KLHL4: variants seen among roughly 807,000 people sequenced by gnomAD.
KLHL4 encodes the protein kelch like family member 4.
A neutral mutation model predicts 45.8 loss-of-function variants in KLHL4; 17 were observed. That is an observed-to-expected ratio of 0.37 (90% CI 0.25 to 0.56). The LOEUF is 0.56. Ranked by LOEUF, KLHL4 falls within the 20% of genes least tolerant of loss-of-function variation. KLHL4 has a pLI of 0.79. For missense variants in KLHL4, 544 were observed against 544.9 expected (o/e 1.00, Z 0.02); for synonymous variants, 224 against 189.9 (o/e 1.18, Z -1.47).
chrX:87,581,550 C>T (rs910004318), intron 1 of KLHL4, among the ~76,000 whole-genome samples: 1 of 112,628 alleles, frequency 8.9e-6, no homozygotes, highest in Non-Finnish European at 1.9e-5. Flanking sequence ...ACAGCATTCA[C>T]TAGTGATACC....
Position 87,666,862 on chromosome X carries a change from A to G in KLHL4, c.*328A>G, listed in dbSNP as rs1180398680. On this transcript the variant is annotated 3_prime_UTR_variant, in exon 11 of 11. Coordinates refer to ENST00000373119, the MANE Select transcript of KLHL4 (RefSeq NM_019117.5). ...GTGGCCACAGTGTGCAGGTTATAAA[A>G]GCATTAATACATTTCAAGGTAAGAG... 6.6e-6 allele frequency: 5 copies of G among 756,438 alleles called. No individual in the cohort carries two copies. The highest frequency in any genetic ancestry group is 8.0e-5 in the Admixed American group (1 of 12,445). The allele number at this position is 756,438 out of a possible 1,213,427, so 62.3% of individuals were successfully genotyped here. A position where few individuals can be genotyped will look rare whatever the true frequency, so the allele number is the denominator to read the frequency against.
chrX:87,602,002 G>A (rs776970603), intron 1 of KLHL4, among the ~76,000 whole-genome samples: 2 of 107,630 alleles, frequency 1.9e-5, no homozygotes, highest in African/African-American at 6.7e-5. Flanking sequence ...TCATGTCTTC[G>A]TTTTTAACAA....
chrX:87,521,745 A>G (rs2147759678), intron 1 of KLHL4, among the ~76,000 whole-genome samples: 1 of 112,422 alleles, frequency 8.9e-6, no homozygotes, highest in African/African-American at 3.2e-5. Flanking sequence ...TTCTATACAA[A>G]TCAATGCCAC....
chrX:87,543,338 A>G, intron 1 of KLHL4, among the ~76,000 whole-genome samples: 1 of 111,680 alleles, frequency 9.0e-6, no homozygotes, highest in East Asian at 2.9e-4. Flanking sequence ...TTGTCCTCCC[A>G]AAAAAGGACA....
At chrX:87,524,453 A>G (rs746899341) in intron 1 of KLHL4, among the ~76,000 whole-genome samples, 102 of 111,817 alleles carry the variant, frequency 9.1e-4, no homozygotes, top group African/African-American at 3.2e-3. Flanking sequence ...ACTTAGTGTG[A>G]TGTAATGACA....
chrX:87,547,318 G>T (rs1006276575), intron 1 of KLHL4, among the ~76,000 whole-genome samples: 1 of 110,779 alleles, frequency 9.0e-6, no homozygotes, highest in South Asian at 3.9e-4. Context: ...TTCCCCCTTT[G>T]CTTCTTAAAC....
Position 87,584,284 on chromosome X carries a change from C to T in KLHL4, c.423-29593C>T, listed in dbSNP as rs183736888. ...AATAAATACTACAATAAATAGCCAA[C>T]TCTTCAATGCCCAGACACCAAAGAA... is the stretch of plus-strand genomic sequence containing the variant. On this transcript the variant is annotated intron_variant, in intron 1 of 10. Transcript: ENST00000373119. 7.6e-3 allele frequency among the ~76,000 whole-genome samples: 846 copies of T among 111,931 alleles called. 4 individuals are homozygous for T. Among genetic ancestry groups the T allele is most frequent in the African/African-American group, 0.026 (802 of 30,800 alleles).
chrX:87,546,656 A>G (rs1285307066), intron 1 of KLHL4, among the ~76,000 whole-genome samples: 1 of 112,026 alleles, frequency 8.9e-6, no homozygotes, highest in Non-Finnish European at 1.9e-5. Flanking sequence ...AACAGGTTGC[A>G]CCATGTACCT....
At chrX:87,643,567 C>T (rs1289565717) in intron 9 of KLHL4, among the ~76,000 whole-genome samples, 2 of 111,243 alleles carry the variant, frequency 1.8e-5, no homozygotes, top group African/African-American at 3.3e-5. Context: ...ATGAAGCCAG[C>T]ATTAATACCA....
intron 1 of KLHL4, among the ~76,000 whole-genome samples, chrX:87,551,147 A>C (rs932843185): frequency 9.0e-6 from 1 of 111,248 alleles, no homozygotes; most frequent in Non-Finnish European, 1.9e-5. Context: ...GAAATCATAA[A>C]ATAATTCAAC....
intron 9 of KLHL4, among the ~76,000 whole-genome samples, chrX:87,638,358 A>T (rs916597790): frequency 8.9e-6 from 1 of 111,860 alleles, no homozygotes; most frequent in African/African-American, 3.2e-5. Flanking sequence ...TGGGAAATTT[A>T]TCACAAAAAA....
At chrX:87,636,682 G>T (rs1228976018) in intron 9 of KLHL4, among the ~76,000 whole-genome samples, 1 of 110,267 alleles carries the variant, frequency 9.1e-6, no homozygotes, top group Non-Finnish European at 1.9e-5. Context: ...CATGGGAGCT[G>T]GGTGAGGCCT....
intron 9 of KLHL4, among the ~76,000 whole-genome samples, chrX:87,657,219 T>C (rs932219275): frequency 8.0e-5 from 9 of 112,087 alleles, no homozygotes; most frequent in Non-Finnish European, 1.5e-4. Flanking sequence ...TTATGCTTTA[T>C]ATTTGCTTAT....
chrX:87,639,728 A>G (rs775703407), intron 9 of KLHL4, among the ~76,000 whole-genome samples: 201 of 111,184 alleles, frequency 1.8e-3, no homozygotes, highest in Non-Finnish European at 2.8e-3. Flanking sequence ...AGGAAAGTTC[A>G]TAGCATTGAA....
chrX:87,574,643 T>G (rs929048743), intron 1 of KLHL4, among the ~76,000 whole-genome samples: 1 of 111,321 alleles, frequency 9.0e-6, no homozygotes, highest in Non-Finnish European at 1.9e-5. Context: ...AAATTCAATT[T>G]TGTGCCACCA....
intron 1 of KLHL4, among the ~76,000 whole-genome samples, chrX:87,529,906 A>C (rs968650657): frequency 1.1e-4 from 12 of 112,088 alleles, no homozygotes; most frequent in African/African-American, 3.6e-4. Context: ...AGAGGCACTT[A>C]ATGTTCCATG....
rs150881146 is a variant in KLHL4 at position 87,527,389 on chromosome X, A to G, written c.422+9074A>G. On this transcript the variant is annotated intron_variant, in intron 1 of 10. Coordinates refer to ENST00000373119, the MANE Select transcript of KLHL4 (RefSeq NM_019117.5). Reference sequence around the variant, plus strand: ...GTCCCTGAGACCTCATCATCATTCTATCACATTCACATGGGTGCCTGCAGC... The same window carrying G: ...GTCCCTGAGACCTCATCATCATTCTGTCACATTCACATGGGTGCCTGCAGC... 4.4e-3 allele frequency among the ~76,000 whole-genome samples: 491 copies of G among 111,600 alleles called. 2 individuals carry two copies. Among genetic ancestry groups the G allele is most frequent in the African/African-American group, 0.014 (433 of 30,697 alleles).
chrX:87,608,805 A>C (rs920154611), intron 1 of KLHL4, among the ~76,000 whole-genome samples: 2 of 110,923 alleles, frequency 1.8e-5, no homozygotes, highest in Non-Finnish European at 3.8e-5. Context: ...GTACATGTGC[A>C]CAACATGCAG....
intron 1 of KLHL4, among the ~76,000 whole-genome samples, chrX:87,539,387 G>A (rs1260590058): frequency 9.1e-6 from 1 of 109,915 alleles, no homozygotes; most frequent in African/African-American, 3.3e-5. Flanking sequence ...TTCCTTTAAT[G>A]TCTTCTTCTT....
Sources: gnomAD v4.1 joint callset for allele counts (sites outside exome capture counted in the v4.1 genomes callset) on GRCh38, gnomAD v4.1.1 for gene constraint, MANE v1.5 for transcripts, NCBI Gene and HGNC (gene_info 2026-07-23, HGNC 2026-07-21) for gene names.